Variants in ERC2 observed in about 807,000 individuals in gnomAD.
ERC2 encodes the protein ELKS/RAB6-interacting/CAST family member 2.
ERC2 carries 42 observed loss-of-function variants against 114.8 expected under a neutral mutation model. That is an observed-to-expected ratio of 0.37 (90% CI 0.29 to 0.47). ERC2 has a LOEUF of 0.47. Ranked by LOEUF, ERC2 falls within the 20% of genes least tolerant of loss-of-function variation. ERC2 has a pLI of 0.99. For missense variants in ERC2, 939 were observed against 1,150.7 expected (o/e 0.82, Z 2.66); for synonymous variants, 454 against 425.5 (o/e 1.07, Z -0.82).
intron 6 of ERC2, among the ~76,000 whole-genome samples, chr3:56,126,359 T>C (rs2079863168): frequency 6.6e-6 from 1 of 152,200 alleles, no homozygotes; most frequent in Non-Finnish European, 1.5e-5. Flanking sequence ...AACCATGTGA[T>C]CATTTAAATA....
chr3:55,802,298 T>TCA (rs1387982570), intron 14 of ERC2, among the ~76,000 whole-genome samples: 3 of 152,232 alleles, frequency 2.0e-5, no homozygotes, highest in Non-Finnish European at 4.4e-5. Flanking sequence ...CTGTGCTTGC[T>TCA]CACGCATTAT....
chr3:55,560,018 G>C (rs763654732), intron 17 of ERC2, among the ~76,000 whole-genome samples: 2 of 152,214 alleles, frequency 1.3e-5, no homozygotes, highest in Non-Finnish European at 2.9e-5. Context: ...GCTGCTGAAG[G>C]AACTTTAGCC....
chr3:55,883,992 A>T (rs1430184491), intron 14 of ERC2, among the ~76,000 whole-genome samples: 1 of 152,194 alleles, frequency 6.6e-6, no homozygotes, highest in Non-Finnish European at 1.5e-5. Flanking sequence ...AATTTGAAGA[A>T]GGCTGGTAGA....
At chr3:55,962,428 C>T (rs1184976078) in intron 12 of ERC2, among the ~76,000 whole-genome samples, 2 of 152,214 alleles carry the variant, frequency 1.3e-5, no homozygotes, top group Non-Finnish European at 2.9e-5. Context: ...AATATATACA[C>T]TAACAATATA....
chr3:55,552,144 T>C (rs1364948276), intron 17 of ERC2, among the ~76,000 whole-genome samples: 1 of 152,180 alleles, frequency 6.6e-6, no homozygotes, highest in East Asian at 1.9e-4. Context: ...GGCTTCCTGA[T>C]GTGTAGGCCC....
chr3:55,553,775 G>A (rs1037723763), intron 17 of ERC2, among the ~76,000 whole-genome samples: 9 of 151,424 alleles, frequency 5.9e-5, no homozygotes, highest in African/African-American at 1.7e-4. Context: ...GTGAGACTCC[G>A]TCTCAAAAAA....
At chr3:56,015,502 G>C (rs975538375) in intron 8 of ERC2, among the ~76,000 whole-genome samples, 6 of 152,056 alleles carry the variant, frequency 3.9e-5, no homozygotes, top group Non-Finnish European at 5.9e-5. Flanking sequence ...GAGGTTAATG[G>C]CTTCCAGTTC....
chr3:55,708,376 G>A (rs938575916), intron 15 of ERC2, among the ~76,000 whole-genome samples: 14 of 152,240 alleles, frequency 9.2e-5, no homozygotes, highest in Admixed American at 5.2e-4. Flanking sequence ...GGCCCTAGAT[G>A]TTTCCACCAC....
Position 56,440,547 on chromosome 3 carries a change from CAA to C in ERC2, c.-140-5402_-140-5401del, listed in dbSNP as rs397877367. On this transcript the variant is annotated intron_variant, in intron 1 of 17. Transcript: ENST00000288221. The stretch of plus-strand genomic sequence containing the variant: ...TGGGCAACAGTGCAAGACTCTGTCT[CAA>C]AAAAAAAAAAAAAAAAGAATGGGCT... Among the ~76,000 whole-genome samples the C allele has an allele frequency of 2.3e-3, 246 of 107,616 alleles. 2 individuals carry two copies. Among genetic ancestry groups the C allele is most frequent in the South Asian group, 0.013 (46 of 3,496 alleles). 70.6% of individuals were successfully genotyped at this position (107,616 alleles called of 152,430 possible).
intron 17 of ERC2, among the ~76,000 whole-genome samples, chr3:55,641,472 C>T (rs1363996286): frequency 7.3e-6 from 1 of 137,836 alleles, no homozygotes; most frequent in African/African-American, 2.7e-5. Flanking sequence ...ATTGCTTGAA[C>T]CTCGGAGGCA....
At chr3:55,991,679 G>C (rs1286969289) in intron 11 of ERC2, among the ~76,000 whole-genome samples, 2 of 152,156 alleles carry the variant, frequency 1.3e-5, no homozygotes, top group South Asian at 4.1e-4. Context: ...GTTGGTGGTG[G>C]TGTTGTTGTT....
Position 55,510,584 on chromosome 3 carries a change from C to A in ERC2, c.*732G>T, listed in dbSNP as rs1240184325. On this transcript the variant is annotated 3_prime_UTR_variant, in exon 18 of 18. Coordinates refer to ENST00000288221, the MANE Select transcript of ERC2 (RefSeq NM_015576.3). ...ACACCATGTTCTCATAAGGCGATTT[C>A]TTGGCAAGCATTAGTGGTTTAAAAA... 6.6e-6 allele frequency: 1 copy of A among 152,654 alleles called. No homozygotes were observed. Among genetic ancestry groups the A allele is most frequent in the African/African-American group, 2.4e-5 (1 of 41,452 alleles). The allele number at this position is 152,654 out of a possible 1,614,324, so 9.5% of individuals were successfully genotyped here.
At chr3:55,942,942 C>G (rs896828600) in intron 13 of ERC2, among the ~76,000 whole-genome samples, 1 of 152,174 alleles carries the variant, frequency 6.6e-6, no homozygotes, top group African/African-American at 2.4e-5. Flanking sequence ...GTTAACCATG[C>G]CCAGGTCTCT....
At chr3:55,607,429 C>G (rs1436536355) in intron 17 of ERC2, among the ~76,000 whole-genome samples, 1 of 152,032 alleles carries the variant, frequency 6.6e-6, no homozygotes, top group East Asian at 1.9e-4. Flanking sequence ...GTCCGAAGGG[C>G]TGAAAGTCCT....
intron 17 of ERC2, among the ~76,000 whole-genome samples, chr3:55,576,800 C>T (rs2057006071): frequency 6.6e-6 from 1 of 152,228 alleles, no homozygotes; most frequent in Non-Finnish European, 1.5e-5. Flanking sequence ...CAGAAAACTG[C>T]AGCTCCAAAG....
At chr3:55,565,903 T>A (rs2056338863) in intron 17 of ERC2, among the ~76,000 whole-genome samples, 1 of 152,226 alleles carries the variant, frequency 6.6e-6, no homozygotes, top group Admixed American at 6.5e-5. Flanking sequence ...GAGTCAAAAG[T>A]CTTTTGCTGC....
chr3:56,214,536 C>G (rs375986219), intron 3 of ERC2, among the ~76,000 whole-genome samples: 1 of 152,110 alleles, frequency 6.6e-6, no homozygotes, highest in East Asian at 1.9e-4. Context: ...CTGAAAGTGA[C>G]GGGGAGAATG....
chr3:56,374,993 T>C (rs1346851303), intron 2 of ERC2, among the ~76,000 whole-genome samples: 1 of 152,194 alleles, frequency 6.6e-6, no homozygotes, highest in Non-Finnish European at 1.5e-5. Context: ...ATTCAGTGTC[T>C]TCCTAGTTTA....
In ERC2 at chr3:55,814,154, A is replaced by T. The variant is rs9875858; in HGVS notation, c.2564+74235T>A. 5.7e-3 allele frequency among the ~76,000 whole-genome samples: 874 copies of T among 152,350 alleles called. 10 individuals carry two copies. The highest frequency in any genetic ancestry group is 0.02 in the African/African-American group (832 of 41,584). On this transcript the variant is annotated intron_variant, in intron 14 of 17. Coordinates refer to ENST00000288221, the MANE Select transcript of ERC2 (RefSeq NM_015576.3). ...ATCTAAGTGTATCTCTGGCATTCCA[A>T]TCAAAAACTCTTTCCAGGAACCTGA...
Sources: gnomAD v4.1 joint callset for allele counts (sites outside exome capture counted in the v4.1 genomes callset) on GRCh38, gnomAD v4.1.1 for gene constraint, MANE v1.5 for transcripts, NCBI Gene and HGNC (gene_info 2026-07-23, HGNC 2026-07-21) for gene names.